Variants in FAR1 observed in about 807,000 individuals in gnomAD.
FAR1 encodes fatty acyl-CoA reductase 1.
In FAR1, 22 loss-of-function variants were observed where a neutral mutation model predicts 61.1. The ratio of observed to expected loss-of-function variants is 0.36; its 90% CI spans 0.26 to 0.51. The LOEUF is 0.51. FAR1 is among the 20% of genes least tolerant of loss of function. FAR1 has a pLI of 0.95. For synonymous variants in FAR1, 206 were observed against 209.7 expected (o/e 0.98, Z 0.15); for missense variants, 359 against 626.9 (o/e 0.57, Z 4.56).
At chr11:13,680,820 G>C (rs996945631) in intron 1 of FAR1, among the ~76,000 whole-genome samples, 1 of 152,086 alleles carries the variant, frequency 6.6e-6, no homozygotes, top group Non-Finnish European at 1.5e-5. Context: ...GACTTGGTGG[G>C]ACCAAACAAA....
At chr11:13,672,319 G>A (rs1239528839) in intron 1 of FAR1, among the ~76,000 whole-genome samples, 2 of 151,704 alleles carry the variant, frequency 1.3e-5, no homozygotes, top group Non-Finnish European at 1.5e-5. Flanking sequence ...AAAAAAATGA[G>A]CAGGCAGACC....
intron 1 of FAR1, among the ~76,000 whole-genome samples, chr11:13,688,673 T>C (rs1332866738): frequency 6.6e-6 from 1 of 152,192 alleles, no homozygotes; most frequent in Non-Finnish European, 1.5e-5. Flanking sequence ...AAAATAAAGC[T>C]CAAAGAATTA....
rs116982856 is a variant in FAR1 at position 13,674,362 on chromosome 11, G to T, written c.-8+5556G>T. 5.0e-4 allele frequency among the ~76,000 whole-genome samples: 76 copies of T among 151,732 alleles called. No homozygotes were observed. In the East Asian group the frequency reaches 0.013, roughly 27 times the overall value. ...ATTCAAATTGAACTGTGAATCAGCAGATCTGAGCTTTAATTTTGGTTTTGT... is the reference window on the plus strand; with the variant it reads ...ATTCAAATTGAACTGTGAATCAGCATATCTGAGCTTTAATTTTGGTTTTGT... On this transcript the variant is annotated intron_variant, in intron 1 of 11. Transcript: ENST00000354817.
At chr11:13,703,121 A>G (rs1209007142) in intron 3 of FAR1, among the ~76,000 whole-genome samples, 2 of 152,218 alleles carry the variant, frequency 1.3e-5, no homozygotes, top group Non-Finnish European at 2.9e-5. Context: ...CAGACACTCT[A>G]TAATACTCCA....
At chr11:13,673,254 G>A (rs1302220050) in intron 1 of FAR1, among the ~76,000 whole-genome samples, 1 of 152,170 alleles carries the variant, frequency 6.6e-6, no homozygotes. Flanking sequence ...AATTCATCTA[G>A]CTTTTAGTTT....
At position 13,728,960 on chromosome 11, in the gene FAR1, T is replaced by A; in HGVS notation, c.*186T>A. 1.9e-6 allele frequency: 1 copy of A among 527,818 alleles called. No individual in the cohort carries two copies. The highest frequency in any genetic ancestry group is 3.3e-6 in the Non-Finnish European group (1 of 304,224). 32.7% of individuals were successfully genotyped at this position (527,818 alleles called of 1,614,324 possible). A position where few individuals can be genotyped will look rare whatever the true frequency, so the allele number is the denominator to read the frequency against. On this transcript the variant is annotated 3_prime_UTR_variant, in exon 12 of 12. Coordinates refer to ENST00000354817, the MANE Select transcript of FAR1 (RefSeq NM_032228.6). ...TGCTCATAAAACTTAGTGAACACAC[T>A]GTGTTATGCCAGCTCAAATCTACAG...
intron 1 of FAR1, 44 bp from the exon 2 acceptor site, chr11:13,694,715 T>C: frequency 6.9e-7 from 1 of 1,455,498 alleles, no homozygotes; most frequent in Non-Finnish European, 9.3e-7. Flanking sequence ...GAAAGAATGA[T>C]GGTGAATCCT....
At chr11:13,675,089 T>G in intron 1 of FAR1, among the ~76,000 whole-genome samples, 1 of 144,188 alleles carries the variant, frequency 6.9e-6, no homozygotes, top group African/African-American at 2.5e-5. Flanking sequence ...TACCATGCAG[T>G]GTGATAAGTA....
intron 1 of FAR1, among the ~76,000 whole-genome samples, chr11:13,676,318 T>C (rs1253516735): frequency 6.6e-6 from 1 of 152,158 alleles, no homozygotes; most frequent in East Asian, 1.9e-4. Context: ...TATTTATGGC[T>C]CCTGTCCATC....
chr11:13,710,819 G>A lies in FAR1; in HGVS notation c.672G>A (p.Val224=). The A allele has an allele frequency of 1.2e-6, 2 of 1,612,794 alleles. No homozygotes were observed. Among genetic ancestry groups the A allele is most frequent in the South Asian group, 1.1e-5 (1 of 90,900 alleles). ...AACAAGAAGGAGCAAAACTAAATGT[G>A]GCAATTGTAAGGCCATCGATTGTTG... ...VVQQEGAKLN[V]AIVRPSIVGA... Residue 224 remains valine, a synonymous_variant, in exon 5 of 12, where the codon GTG becomes GTA. Transcript: ENST00000354817.
chr11:13,708,487 CTCTTT>C lies in FAR1; in HGVS notation c.545+413_545+417del, dbSNP rs374706337. Among the ~76,000 whole-genome samples the C allele has an allele frequency of 6.0e-3, 804 of 133,680 alleles. 12 individuals carry two copies. The highest frequency in any genetic ancestry group is 0.02 in the African/African-American group (745 of 37,026). The allele number at this position is 133,680 out of a possible 152,430, so 87.7% of individuals were successfully genotyped here. A position where few individuals can be genotyped will look rare whatever the true frequency, so the allele number is the denominator to read the frequency against. On this transcript the variant is annotated intron_variant, in intron 4 of 11. Transcript: ENST00000354817. ...CACACACACACACACATACATTTATCTCTTTTCTTCAAAAATTTTTGCATATCCCC... is the reference window on the plus strand; with the variant it reads ...CACACACACACACACATACATTTATCTCTTCAAAAATTTTTGCATATCCCC...
At chr11:13,712,924 G>C in intron 7 of FAR1, 42 bp from the exon 8 acceptor site, 1 of 1,523,622 alleles carries the variant, frequency 6.6e-7, no homozygotes, top group South Asian at 1.1e-5. Context: ...GATATGTTTG[G>C]CCTCTTATTA....
At chr11:13,675,930 A>G (rs148646075) in intron 1 of FAR1, among the ~76,000 whole-genome samples, 65 of 152,326 alleles carry the variant, frequency 4.3e-4, no homozygotes, top group African/African-American at 1.5e-3. Flanking sequence ...ATATTCCCTA[A>G]TGCAGAAATT....
At chr11:13,716,491 G>C (rs1848558182) in intron 9 of FAR1, among the ~76,000 whole-genome samples, 1 of 152,166 alleles carries the variant, frequency 6.6e-6, no homozygotes, top group Non-Finnish European at 1.5e-5. Context: ...CCGGTGGGCA[G>C]AGAGGCAATG....
chr11:13,696,347 T>G (rs1055907623), intron 2 of FAR1, among the ~76,000 whole-genome samples: 76 of 152,272 alleles, frequency 5.0e-4, no homozygotes, highest in African/African-American at 1.6e-3. Flanking sequence ...TCCTGGCTTT[T>G]TAGACAGTTT....
rs758630660 is a variant in FAR1, at chr11:13,711,802, T to C, written c.762T>C (p.Phe254=). 3.7e-6 allele frequency: 6 copies of C among 1,601,374 alleles called. No individual in the cohort carries two copies. The South Asian group carries it at 5.6e-5, about 15-fold the overall frequency. Residue 254 remains phenylalanine, a synonymous_variant, in exon 6 of 12, where the codon TTT becomes TTC. Coordinates refer to ENST00000354817, the MANE Select transcript of FAR1 (RefSeq NM_032228.6). ...ACTTTAATGGACCAAGTGGTCTCTT[T>C]ATTGCGGTAAGTAAACCTTTTGATT... ...IDNFNGPSGL[F]IAAGKGILRT... is the part of the protein sequence containing the mutation.
chr11:13,686,593 G>A (rs1373627588), intron 1 of FAR1: 2 of 152,108 alleles, frequency 1.3e-5, no homozygotes, highest in Non-Finnish European at 2.9e-5. Context: ...GGAACAAGTA[G>A]AGCAAAGAGT....
intron 2 of FAR1, among the ~76,000 whole-genome samples, chr11:13,698,614 A>G (rs1443521450): frequency 6.6e-6 from 1 of 151,990 alleles, no homozygotes; most frequent in Non-Finnish European, 1.5e-5. Context: ...GGGGATCATG[A>G]GGTCAGGAGA....
intron 1 of FAR1, 100 bp from the exon 2 acceptor site, chr11:13,694,659 T>C: frequency 9.6e-7 from 1 of 1,040,752 alleles, no homozygotes; most frequent in South Asian, 1.8e-5. Context: ...TTGACTTTTG[T>C]CTGCTTTTTA....
Sources: allele counts gnomAD v4.1 joint callset (sites outside exome capture counted in the v4.1 genomes callset), GRCh38; gene constraint gnomAD v4.1.1; transcripts MANE v1.5; gene names NCBI Gene and HGNC (gene_info 2026-07-23, HGNC 2026-07-21).